Variants in CADPS observed in about 807,000 individuals in gnomAD.
CADPS encodes the protein calcium dependent secretion activator.
Under a neutral mutation model 167.3 loss-of-function variants are expected in CADPS, and 57 were observed. The ratio of observed to expected loss-of-function variants is 0.34; its 90% confidence interval spans 0.28 to 0.42. The LOEUF (loss-of-function observed/expected upper bound fraction) is 0.42, where lower values mean the gene tolerates loss of function less well. Ranked by LOEUF, CADPS falls within the 20% of genes least tolerant of loss-of-function variation. The probability of loss-of-function intolerance (pLI) is 1.00; values close to 1 mark genes in which losing one functional copy is unlikely to be tolerated. For missense variants in CADPS, 1,414 were observed against 1,738.1 expected (o/e 0.81, Z 3.32); for synonymous variants, 676 against 635.3 (o/e 1.06, Z -0.96).
At chr3:62,728,106 C>G (rs952367537) in intron 3 of CADPS, among the ~76,000 whole-genome samples, 2 of 151,766 alleles carry the variant, frequency 1.3e-5, no homozygotes, top group African/African-American at 4.9e-5. Context: ...AAGTCGCTGT[C>G]CCAGGTCAAA....
intron 28 of CADPS, among the ~76,000 whole-genome samples, chr3:62,407,154 C>A (rs578019736): frequency 7.9e-5 from 12 of 152,238 alleles, no homozygotes; most frequent in Admixed American, 6.5e-4. Flanking sequence ...TCATCATCAT[C>A]ATCATCATCA....
rs146312220 is a variant in CADPS at position 62,592,219 on chromosome 3, A to C, written c.1437+418T>G. Among the ~76,000 whole-genome samples the C allele has an allele frequency of 2.8e-3, 427 of 152,202 alleles. 2 individuals carry two copies. The highest frequency in any genetic ancestry group is 0.014 in the Middle Eastern group (4 of 294). ...TAGATCTTTGAGTATGTACATTTTG[A>C]AGTTTTTTATTATTAATTTACTTCC... On this transcript the variant is annotated intron_variant, in intron 7 of 29. Coordinates refer to ENST00000383710, the MANE Select transcript of CADPS (RefSeq NM_003716.4).
intron 6 of CADPS, among the ~76,000 whole-genome samples, chr3:62,608,382 A>G (rs540810954): frequency 2.0e-5 from 3 of 151,658 alleles, no homozygotes; most frequent in African/African-American, 7.3e-5. Flanking sequence ...TCCCGGGCTC[A>G]CGTGATCCTC....
At chr3:62,623,806 C>T (rs568697779) in intron 6 of CADPS, among the ~76,000 whole-genome samples, 14 of 152,134 alleles carry the variant, frequency 9.2e-5, no homozygotes, top group Middle Eastern at 3.4e-3. Context: ...ACCACTGTTT[C>T]AGTCAATAAA....
In CADPS at chr3:62,650,855, A is replaced by G. The variant is rs773180084; in HGVS notation, c.1195T>C (p.Ser399Pro). 6.2e-7 allele frequency: 1 copy of G among 1,613,682 alleles called. No individual in the cohort carries two copies. Among genetic ancestry groups the G allele is most frequent in the Non-Finnish European group, 8.5e-7 (1 of 1,179,734 alleles). The change falls in exon 5 of 30, where the codon TCA becomes CCA. Residue 399 changes from serine (S) to proline (P), a missense_variant. Ser to Pro is a moderately conservative substitution (Grantham distance 74, BLOSUM62 -1). This residue lies in a region of CADPS where 522 missense variants were observed against 559.5 expected (regional missense o/e 0.93). Transcript: ENST00000383710. ...LSKSDVVLSFSLEVVIMEVQG... is the reference protein window; with the variant it reads ...LSKSDVVLSFPLEVVIMEVQG... ...GGCTCAGGGCTTTTTACCTCCAATG[A>G]GAAAGACAGCACGACATCTGACTTG...
At chr3:62,582,862 A>C (rs1265495602) in intron 8 of CADPS, among the ~76,000 whole-genome samples, 1 of 152,248 alleles carries the variant, frequency 6.6e-6, no homozygotes, top group Admixed American at 6.5e-5. Context: ...ACAAGTCAAC[A>C]CAAAAATTCC....
At chr3:62,463,020 G>A (rs975170025) in intron 26 of CADPS, among the ~76,000 whole-genome samples, 3 of 152,158 alleles carry the variant, frequency 2.0e-5, no homozygotes, top group Non-Finnish European at 2.9e-5. Context: ...GGGAAGTTAC[G>A]GGCCCAGCAA....
chr3:62,575,880 C>A (rs2082169016), intron 8 of CADPS, among the ~76,000 whole-genome samples: 2 of 152,166 alleles, frequency 1.3e-5, no homozygotes, highest in African/African-American at 2.4e-5. Context: ...GAGGGAGGGG[C>A]TTTCCCTCTG....
In CADPS at chr3:62,441,734, C is replaced by G. The variant is rs140619765; in HGVS notation, c.3670-3523G>C. Among the ~76,000 whole-genome samples, 47 of 152,298 alleles carry G rather than the reference C, an allele frequency of 3.1e-4. No homozygotes were observed. In the East Asian group the frequency reaches 7.9e-3, roughly 26 times the overall value. ...ATGATTTTATCTGATGGTTCTTAAG[C>G]CTGGCTGCAAATCTGAAGGACCTGG... On this transcript the variant is annotated intron_variant, in intron 27 of 29. Transcript: ENST00000383710.
At chr3:62,745,875 A>G (rs2081341538) in intron 3 of CADPS, among the ~76,000 whole-genome samples, 1 of 152,134 alleles carries the variant, frequency 6.6e-6, no homozygotes, top group Non-Finnish European at 1.5e-5. Flanking sequence ...AATAGACATC[A>G]CTCTTTGCTC....
At chr3:62,685,784 T>A (rs1240130851) in intron 3 of CADPS, among the ~76,000 whole-genome samples, 1 of 151,976 alleles carries the variant, frequency 6.6e-6, no homozygotes, top group Non-Finnish European at 1.5e-5. Flanking sequence ...ACAACCTAGA[T>A]CCCTCGCATG....
chr3:62,610,178 T>C (rs553696034), intron 6 of CADPS, among the ~76,000 whole-genome samples: 1 of 152,200 alleles, frequency 6.6e-6, no homozygotes, highest in East Asian at 1.9e-4. Flanking sequence ...GAGCCTTTTC[T>C]TTTTTTCCTT....
chr3:62,565,182 A>C (rs1275013015), intron 9 of CADPS, among the ~76,000 whole-genome samples: 1 of 152,100 alleles, frequency 6.6e-6, no homozygotes, highest in East Asian at 1.9e-4. Flanking sequence ...GGCCCCAGTA[A>C]TTTCTTGACT....
At chr3:62,777,118 C>T (rs2090492645) in intron 1 of CADPS, among the ~76,000 whole-genome samples, 1 of 152,282 alleles carries the variant, frequency 6.6e-6, no homozygotes, top group Admixed American at 6.5e-5. Flanking sequence ...AATACTAGCA[C>T]AGCAACATAT....
At chr3:62,437,262 T>A (rs1164765716) in intron 28 of CADPS, among the ~76,000 whole-genome samples, 1 of 151,556 alleles carries the variant, frequency 6.6e-6, no homozygotes, top group South Asian at 2.1e-4. Flanking sequence ...AAACCCGAGA[T>A]GAAATATCTG....
At position 62,646,085 on chromosome 3, in the gene CADPS, C is replaced by T. The variant is rs147437910; in HGVS notation, c.1204-242G>A. Among the ~76,000 whole-genome samples, 7 of 151,834 alleles carry T rather than the reference C, an allele frequency of 4.6e-5. No individual in the cohort carries two copies. In the East Asian group the frequency reaches 9.7e-4, roughly 21 times the overall value. ...AATTCAAATGCTCACAGGGGCCAGA[C>T]AGGCATATAAAATGGGCTACTCTTT... On this transcript the variant is annotated intron_variant, in intron 5 of 29. Transcript: ENST00000383710.
At chr3:62,450,259 C>G (rs1399765843) in intron 26 of CADPS, among the ~76,000 whole-genome samples, 2 of 152,232 alleles carry the variant, frequency 1.3e-5, no homozygotes, top group Non-Finnish European at 2.9e-5. Context: ...TTGAGGCTGA[C>G]AGCAAAGACC....
At chr3:62,562,404 A>G (rs2079331673) in intron 9 of CADPS, among the ~76,000 whole-genome samples, 1 of 152,218 alleles carries the variant, frequency 6.6e-6, no homozygotes, top group African/African-American at 2.4e-5. Context: ...ATGTGAACCA[A>G]GGCAGTTCAG....
At chr3:62,453,837 C>T (rs1370178706) in intron 26 of CADPS, among the ~76,000 whole-genome samples, 2 of 152,152 alleles carry the variant, frequency 1.3e-5, no homozygotes, top group African/African-American at 2.4e-5. Context: ...CTTTGCTTAC[C>T]GAACGTCAGT....
Sources: allele counts gnomAD v4.1 joint callset (sites outside exome capture counted in the v4.1 genomes callset), GRCh38; gene constraint gnomAD v4.1.1; regional missense constraint gnomAD v4.1.1; transcripts MANE v1.5; gene names NCBI Gene and HGNC (gene_info 2026-07-23, HGNC 2026-07-21).